ANK3: variants seen among roughly 807,000 people sequenced by gnomAD.
ANK3 encodes ankyrin-3.
A neutral mutation model predicts 370.9 loss-of-function variants in ANK3; 57 were observed. The ratio of observed to expected loss-of-function variants is 0.15; its 90% CI spans 0.12 to 0.19. ANK3 has a LOEUF of 0.19. Among genes scored for constraint, ANK3 ranks in the 10% least tolerant of loss-of-function variants. The pLI, the probability that ANK3 is intolerant of heterozygous loss-of-function variation, is 1.00. For missense variants in ANK3, 4,439 were observed against 5,302.1 expected (o/e 0.84, Z 5.06); for synonymous variants, 1,929 against 1,946.3 (o/e 0.99, Z 0.23).
At chr10:60,492,404 A>G (rs1270243138) in intron 2 of ANK3, among the ~76,000 whole-genome samples, 1 of 152,124 alleles carries the variant, frequency 6.6e-6, no homozygotes, top group Non-Finnish European at 1.5e-5. Flanking sequence ...GAGGATAGAC[A>G]CTGTCAGAAA....
intron 31 of ANK3, among the ~76,000 whole-genome samples, 153 bp from the exon 32 acceptor site, chr10:60,084,983 G>A (rs1338895375): frequency 6.6e-6 from 1 of 152,188 alleles, no homozygotes; most frequent in East Asian, 1.9e-4. Context: ...CTTTTTCGAT[G>A]TATCAAACAC....
At chr10:60,273,987 C>G (rs1313669742) in intron 4 of ANK3, among the ~76,000 whole-genome samples, 1 of 152,244 alleles carries the variant, frequency 6.6e-6, no homozygotes, top group East Asian at 1.9e-4. Flanking sequence ...TCAGAACAAG[C>G]TAATACAGAT....
intron 1 of ANK3, among the ~76,000 whole-genome samples, chr10:60,385,597 A>G (rs1292419485): frequency 6.6e-6 from 1 of 152,078 alleles, no homozygotes; most frequent in Non-Finnish European, 1.5e-5. Context: ...AGCAATGAAT[A>G]TTTGTTCCTG....
At position 60,145,757 on chromosome 10, in the gene ANK3, G is replaced by A. The variant is rs867241882; in HGVS notation, c.2615-6670C>T. Among the ~76,000 whole-genome samples, 32 of 152,232 alleles carry A rather than the reference G, an allele frequency of 2.1e-4. 1 individual carries two copies. The Middle Eastern group carries it at 0.014, about 65-fold the overall frequency. On this transcript the variant is annotated intron_variant, in intron 23 of 43. Coordinates refer to ENST00000280772, the MANE Select transcript of ANK3 (RefSeq NM_020987.5). ...AGTGCGCTGGCCATACAAAACTTAA[G>A]ATGCTATTGAATGAATATTACAAGA...
At chr10:60,454,531 G>A (rs981655545) in intron 2 of ANK3, among the ~76,000 whole-genome samples, 3 of 152,058 alleles carry the variant, frequency 2.0e-5, no homozygotes, top group Admixed American at 2.0e-4. Context: ...TTACAATAGG[G>A]AAGAAGGCCA....
intron 23 of ANK3, among the ~76,000 whole-genome samples, chr10:60,141,572 T>TG (rs369337804): frequency 0.065 from 1,276 of 19,742 alleles, 27 homozygotes; most frequent in Non-Finnish European, 0.087. Flanking sequence ...TTTTTTTTTT[T>TG]TTTTTTTTTT....
intron 43 of ANK3, among the ~76,000 whole-genome samples, chr10:60,036,054 CAGCCTT>C (rs1232100976): frequency 6.6e-6 from 1 of 152,148 alleles, no homozygotes; most frequent in African/African-American, 2.4e-5. Context: ...TAACTGCACT[CAGCCTT>C]AGAGATTTTG....
intron 2 of ANK3, among the ~76,000 whole-genome samples, chr10:60,501,705 C>CAAAAAAAAAAAAAAAAA (rs376934079): frequency 2.5e-5 from 2 of 79,766 alleles, no homozygotes; most frequent in Non-Finnish European, 2.5e-5. Context: ...GACTCTGTCT[C>CAAAAAAAAAAAAAAAAA]AAAAAAAAAA....
chr10:60,271,538 G>A (rs1333201875), intron 4 of ANK3, among the ~76,000 whole-genome samples: 1 of 152,012 alleles, frequency 6.6e-6, no homozygotes, highest in Non-Finnish European at 1.5e-5. Context: ...TTTTCAGAAT[G>A]CAGTTCTATT....
intron 1 of ANK3, among the ~76,000 whole-genome samples, chr10:60,625,552 C>T (rs2078397548): frequency 6.6e-6 from 1 of 152,104 alleles, no homozygotes; most frequent in African/African-American, 2.4e-5. Context: ...CAGTTTATTT[C>T]CCAAAGTACC....
rs115889566 is a variant in ANK3, at chr10:60,678,628, G to T, written c.57+54635C>A. Among the ~76,000 whole-genome samples, 414 of 152,174 alleles carry T rather than the reference G, an allele frequency of 2.7e-3. 2 individuals carry two copies. Among genetic ancestry groups the T allele is most frequent in the African/African-American group, 9.4e-3 (390 of 41,516 alleles). ...ATCTACAAAGGCTATTACAGATAAT[G>T]TTAACAGACCACTAGCAAACTTTTA... On this transcript the variant is annotated intron_variant, in intron 1 of 43. Transcript: ENST00000373827.
Position 60,363,004 on chromosome 10 carries a change from C to T in ANK3, c.114+26421G>A, listed in dbSNP as rs1422113791. Among the ~76,000 whole-genome samples, 3 of 143,800 alleles carry T rather than the reference C, an allele frequency of 2.1e-5. No individual in the cohort carries two copies. The East Asian group carries it at 6.2e-4, about 30-fold the overall frequency. 94.3% of individuals were successfully genotyped at this position (143,800 alleles called of 152,430 possible). On this transcript the variant is annotated intron_variant, in intron 1 of 43. Coordinates refer to ENST00000280772, the MANE Select transcript of ANK3 (RefSeq NM_020987.5). The stretch of plus-strand genomic sequence containing the variant: ...CCATTGGATATTCCCAAGCCGTTTT[C>T]TTTTGCTACCCTTTCCAGCAGAAAT...
chr10:60,124,207 A>AT (rs2093641249), intron 25 of ANK3, among the ~76,000 whole-genome samples: 1 of 152,092 alleles, frequency 6.6e-6, no homozygotes. Flanking sequence ...GCCTAGGCTC[A>AT]AGTGCAGTGG....
upstream of ANK3, among the ~76,000 whole-genome samples, chr10:60,392,787 G>A (rs2063139831): frequency 6.6e-6 from 1 of 152,014 alleles, no homozygotes; most frequent in African/African-American, 2.4e-5. Context: ...AAATTAGCTG[G>A]GCGTGTTGGT....
chr10:60,609,456 G>A (rs1263242004), intron 2 of ANK3, among the ~76,000 whole-genome samples: 1 of 152,046 alleles, frequency 6.6e-6, no homozygotes, highest in Non-Finnish European at 1.5e-5. Flanking sequence ...ATCCCAGGGT[G>A]CGTTTAGATG....
rs1306613775 is a variant in ANK3 at position 60,028,644 on chromosome 10, G to T, written c.*1202C>A. 2.6e-5 allele frequency: 4 copies of T among 152,536 alleles called. No individual in the cohort carries two copies. The highest frequency in any genetic ancestry group is 5.9e-5 in the Non-Finnish European group (4 of 68,028). 9.4% of individuals were successfully genotyped at this position (152,536 alleles called of 1,614,324 possible). ...TTACAAATGATTGGCTTACTGAAAGGTGTCTACATCTTATAGCCAGTACAC... is the reference window on the plus strand; with the variant it reads ...TTACAAATGATTGGCTTACTGAAAGTTGTCTACATCTTATAGCCAGTACAC... On this transcript the variant is annotated 3_prime_UTR_variant, in exon 44 of 44. Coordinates refer to ENST00000280772, the MANE Select transcript of ANK3 (RefSeq NM_020987.5).
At position 60,679,995 on chromosome 10, in the gene ANK3, C is replaced by T. The variant is rs539629368; in HGVS notation, c.57+53268G>A. On this transcript the variant is annotated intron_variant, in intron 1 of 43. Coordinates refer to the ANK3 transcript ENST00000373827. ...ACTAAAAATACAAAAATTAGCCAGG[C>T]GTGGTGGTGGGCACCTGCAGTCCCG... Among the ~76,000 whole-genome samples, 31 of 151,646 alleles carry T rather than the reference C, an allele frequency of 2.0e-4. 1 individual carries two copies. The Middle Eastern group carries it at 0.014, about 67-fold the overall frequency.
At chr10:60,673,419 C>A (rs1837948) in intron 1 of ANK3, among the ~76,000 whole-genome samples, 50,711 of 151,772 alleles carry the variant, frequency 0.33, 8,660 homozygotes, top group African/African-American at 0.38. Context: ...GGTGCAATCT[C>A]GGCTCACTGC....
chr10:60,357,717 C>T (rs977583007), intron 1 of ANK3, among the ~76,000 whole-genome samples: 1 of 152,104 alleles, frequency 6.6e-6, no homozygotes, highest in African/African-American at 2.4e-5. Context: ...TATTTCATAC[C>T]TAATCTTTCT....
Sources: allele counts gnomAD v4.1 joint callset (sites outside exome capture counted in the v4.1 genomes callset), GRCh38; gene constraint gnomAD v4.1.1; transcripts MANE v1.5; gene names NCBI Gene and HGNC (gene_info 2026-07-23, HGNC 2026-07-21).